The following OSBPL10 variants were observed in gnomAD, a reference collection of about 807,000 sequenced individuals.
OSBPL10 encodes oxysterol binding protein like 10, also known as oxysterol-binding protein-related protein 10.
OSBPL10 carries 49 observed loss-of-function variants against 81.7 expected under a neutral mutation model. That is an observed-to-expected ratio of 0.60 (90% confidence interval 0.48 to 0.76). The LOEUF is 0.76. Among genes scored for constraint, OSBPL10 ranks in the 30% least tolerant of loss-of-function variants. OSBPL10 has a pLI of 0.00. For missense variants in OSBPL10, 923 were observed against 987.8 expected, an observed-to-expected ratio of 0.93 and a Z score of 0.88; for synonymous variants, 419 against 383.6, an observed-to-expected ratio of 1.09 and a Z score of -1.08.
intron 2 of OSBPL10, among the ~76,000 whole-genome samples, chr3:32,018,343 T>A (rs1699333730): frequency 1.3e-5 from 2 of 152,104 alleles, no homozygotes; most frequent in African/African-American, 4.8e-5. Context: ...TCAGACTGAG[T>A]ATCTGTGATC....
chr3:31,695,609 T>C (rs1223514761), intron 7 of OSBPL10, among the ~76,000 whole-genome samples: 2 of 152,212 alleles, frequency 1.3e-5, no homozygotes, highest in Non-Finnish European at 2.9e-5. Flanking sequence ...ATCCAGCCCC[T>C]CACATTCTGT....
chr3:32,051,336 C>A (rs879439018), intron 1 of OSBPL10, among the ~76,000 whole-genome samples: 14 of 152,182 alleles, frequency 9.2e-5, no homozygotes, highest in Non-Finnish European at 1.9e-4. Context: ...TGTTATCTGA[C>A]TTTTTTCCTT....
intron 4 of OSBPL10, among the ~76,000 whole-genome samples, chr3:31,766,096 G>A (rs890857124): frequency 4.6e-5 from 7 of 152,000 alleles, no homozygotes; most frequent in Non-Finnish European, 7.4e-5. Context: ...CAGCAGAGCC[G>A]CTGGAGCCAA....
chr3:31,999,551 G>A (rs1260206620), intron 2 of OSBPL10, among the ~76,000 whole-genome samples: 1 of 151,748 alleles, frequency 6.6e-6, no homozygotes, highest in Non-Finnish European at 1.5e-5. Flanking sequence ...GTAGAGACAC[G>A]GTTTCTCCAT....
chr3:31,889,831 G>A (rs895361183), intron 1 of OSBPL10, among the ~76,000 whole-genome samples: 8 of 152,138 alleles, frequency 5.3e-5, no homozygotes, highest in African/African-American at 1.2e-4. Flanking sequence ...AATGATAAAT[G>A]TTTGAGATGA....
rs368073188 is a variant in OSBPL10 at position 32,052,368 on chromosome 3, G to A, written n.186-5765C>T. The stretch of plus-strand genomic sequence containing the variant: ...CTGCTTCTTTGACTTTTGAAAATTG[G>A]TTGACTTTATTGTGGAAGACAGTGT... On this transcript the variant is annotated intron_variant and non_coding_transcript_variant, in intron 1 of 3. Coordinates refer to the OSBPL10 transcript ENST00000479173. 4.6e-5 allele frequency among the ~76,000 whole-genome samples: 7 copies of A among 152,210 alleles called. 1 individual carries two copies. The highest frequency in any genetic ancestry group is 1.7e-4 in the African/African-American group (7 of 41,544).
intron 3 of OSBPL10, among the ~76,000 whole-genome samples, chr3:31,862,501 A>G (rs954404008): frequency 2.0e-5 from 3 of 152,140 alleles, no homozygotes; most frequent in African/African-American, 7.2e-5. Context: ...TTTATTTTCT[A>G]AAAACAAAAA....
chr3:31,983,271 A>G (rs552283045), upstream of OSBPL10, among the ~76,000 whole-genome samples: 2 of 152,352 alleles, frequency 1.3e-5, no homozygotes, highest in South Asian at 4.1e-4. Flanking sequence ...TATAAATGTC[A>G]GCATTATGTA....
intron 4 of OSBPL10, among the ~76,000 whole-genome samples, chr3:31,807,097 T>C (rs1388133269): frequency 3.9e-5 from 6 of 152,188 alleles, no homozygotes. Flanking sequence ...GATTCACTCC[T>C]GGCCAGCCAC....
At chr3:31,785,658 T>C (rs1040672727) in intron 4 of OSBPL10, among the ~76,000 whole-genome samples, 1 of 152,136 alleles carries the variant, frequency 6.6e-6, no homozygotes, top group Non-Finnish European at 1.5e-5. Flanking sequence ...TTTCATTCTA[T>C]AAAATGAAGA....
At chr3:31,873,801 C>G (rs1701387752) in intron 3 of OSBPL10, among the ~76,000 whole-genome samples, 1 of 152,196 alleles carries the variant, frequency 6.6e-6, no homozygotes, top group South Asian at 2.1e-4. Context: ...TTTATATTCA[C>G]TTTGAGCCCA....
intron 7 of OSBPL10, among the ~76,000 whole-genome samples, chr3:31,689,917 T>C (rs1181625979): frequency 6.6e-6 from 1 of 152,020 alleles, no homozygotes; most frequent in Admixed American, 6.5e-5. Flanking sequence ...TACATGTATG[T>C]GTACGGAAAA....
At chr3:32,014,536 A>C (rs946401752) in intron 2 of OSBPL10, among the ~76,000 whole-genome samples, 1 of 152,310 alleles carries the variant, frequency 6.6e-6, no homozygotes, top group African/African-American at 2.4e-5. Context: ...AAACTGGCAC[A>C]AGACAGGGAT....
chr3:31,869,553 G>A lies in OSBPL10; in HGVS notation c.537+6880C>T, dbSNP rs536616789. ...GGAAGGATTCCTTTGATTACATAAA[G>A]ATTGCAGACATCCTATTCCAGAGCT... is the stretch of plus-strand genomic sequence containing the variant. On this transcript the variant is annotated intron_variant, in intron 3 of 11. Transcript: ENST00000396556. Among the ~76,000 whole-genome samples, 242 of 152,296 alleles carry A rather than the reference G, an allele frequency of 1.6e-3. 1 individual carries two copies. The highest frequency in any genetic ancestry group is 5.5e-3 in the African/African-American group (228 of 41,568).
chr3:31,685,138 A>T (rs1700759392), intron 7 of OSBPL10, among the ~76,000 whole-genome samples: 1 of 152,198 alleles, frequency 6.6e-6, no homozygotes. Flanking sequence ...CTGCTTTTTA[A>T]AGAAGAGAAA....
chr3:32,000,745 T>C (rs1699137264), intron 2 of OSBPL10, among the ~76,000 whole-genome samples: 1 of 152,170 alleles, frequency 6.6e-6, no homozygotes, highest in Non-Finnish European at 1.5e-5. Flanking sequence ...TGAGAGGGAA[T>C]AGAAAAATAT....
chr3:31,926,229 C>T (rs893982735), intron 1 of OSBPL10, among the ~76,000 whole-genome samples: 1 of 148,644 alleles, frequency 6.7e-6, no homozygotes, highest in African/African-American at 2.5e-5. Context: ...ACAGTCAATT[C>T]GCCCTCAAAA....
intron 1 of OSBPL10, among the ~76,000 whole-genome samples, chr3:31,945,165 A>AAG (rs2125432951): frequency 6.6e-6 from 1 of 151,818 alleles, no homozygotes; most frequent in South Asian, 2.1e-4. Context: ...AAAAAAAAAA[A>AAG]AAAAACAGGA....
chr3:31,782,195 C>T (rs557265732), intron 4 of OSBPL10, among the ~76,000 whole-genome samples: 5 of 152,094 alleles, frequency 3.3e-5, no homozygotes, highest in East Asian at 1.9e-4. Flanking sequence ...AATGGGATAT[C>T]CTATTCAACA....
Sources: allele counts gnomAD v4.1 joint callset (sites outside exome capture counted in the v4.1 genomes callset), GRCh38; gene constraint gnomAD v4.1.1; transcripts MANE v1.5; gene names NCBI Gene and HGNC (gene_info 2026-07-23, HGNC 2026-07-21).